APP: variants seen among roughly 807,000 people sequenced by gnomAD.
The protein encoded by APP is amyloid beta precursor protein, also known as amyloid-beta precursor protein.
In APP, 31 loss-of-function variants were observed where a neutral mutation model predicts 101.4. That is an observed-to-expected ratio of 0.31 (90% confidence interval 0.23 to 0.41). The LOEUF (loss-of-function observed/expected upper bound fraction) is 0.41. Among genes scored for constraint, APP ranks in the 10% least tolerant of loss-of-function variants. The pLI is 1.00. For missense variants in APP, 839 were observed against 1,003.7 expected (o/e 0.84, Z 2.22); for synonymous variants, 366 against 364.4 (o/e 1.00, Z -0.05).
At chr21:25,987,463 C>T (rs1320699835) in intron 8 of APP, among the ~76,000 whole-genome samples, 1 of 152,142 alleles carries the variant, frequency 6.6e-6, no homozygotes, top group African/African-American at 2.4e-5. Flanking sequence ...TTTAAATGAC[C>T]TTTGTATTTT....
At chr21:25,888,293 C>A (rs557908561) in intron 17 of APP, among the ~76,000 whole-genome samples, 55 of 152,136 alleles carry the variant, frequency 3.6e-4, no homozygotes, top group Non-Finnish European at 6.8e-4. Flanking sequence ...TGGGTGCAGA[C>A]GCTGGAATGC....
intron 3 of APP, among the ~76,000 whole-genome samples, chr21:26,089,166 CT>C (rs763694935): frequency 1.1e-4 from 16 of 152,164 alleles, no homozygotes; most frequent in Non-Finnish European, 1.9e-4. Context: ...GATGAATACA[CT>C]TGTGGAAAAC....
intron 1 of APP, among the ~76,000 whole-genome samples, chr21:26,142,830 A>G (rs1280500378): frequency 6.6e-6 from 1 of 152,218 alleles, no homozygotes; most frequent in East Asian, 1.9e-4. Flanking sequence ...ATCACTTAAG[A>G]AAATTAATAA....
intron 8 of APP, among the ~76,000 whole-genome samples, chr21:25,984,280 A>T (rs2042554623): frequency 6.6e-6 from 1 of 152,210 alleles, no homozygotes; most frequent in Non-Finnish European, 1.5e-5. Flanking sequence ...AATTGAGAAA[A>T]AGAAACAAAA....
chr21:26,146,939 A>G (rs780245704), intron 1 of APP, among the ~76,000 whole-genome samples: 15 of 152,288 alleles, frequency 9.8e-5, no homozygotes, highest in Admixed American at 7.2e-4. Context: ...ACCCAACACC[A>G]TTAACTAAAT....
At chr21:26,003,082 T>C (rs1568839221) in intron 6 of APP, among the ~76,000 whole-genome samples, 1 of 152,240 alleles carries the variant, frequency 6.6e-6, no homozygotes, top group South Asian at 2.1e-4. Context: ...CATTTTCCTA[T>C]ACCACTAATT....
chr21:26,050,939 T>C, intron 5 of APP, 61 bp downstream of exon 5: 1 of 1,580,172 alleles, frequency 6.3e-7, no homozygotes, highest in Non-Finnish European at 8.7e-7. Context: ...ATTTACAGGA[T>C]ACAAATACTC....
intron 2 of APP, among the ~76,000 whole-genome samples, chr21:26,108,504 G>A (rs147679054): frequency 1.3e-5 from 2 of 152,232 alleles, no homozygotes; most frequent in East Asian, 3.8e-4. Flanking sequence ...GTCTCTGGGA[G>A]AACGAAGATA....
At chr21:25,896,668 G>A (rs1156727116) in intron 16 of APP, among the ~76,000 whole-genome samples, 2 of 152,148 alleles carry the variant, frequency 1.3e-5, no homozygotes, top group East Asian at 3.8e-4. Context: ...TGACCACAAA[G>A]GAGATGTGGC....
intron 1 of APP, among the ~76,000 whole-genome samples, chr21:26,151,792 C>T (rs935382581): frequency 6.6e-6 from 1 of 152,184 alleles, no homozygotes; most frequent in Admixed American, 6.5e-5. Context: ...CATTGCTCAC[C>T]TACTGCTGTG....
intron 2 of APP, among the ~76,000 whole-genome samples, chr21:26,093,033 G>C (rs1182515795): frequency 1.3e-5 from 2 of 152,106 alleles, no homozygotes; most frequent in Non-Finnish European, 2.9e-5. Flanking sequence ...GCTCCAAAGG[G>C]ATCCTGCTAT....
At chr21:26,106,548 T>C (rs895611265) in intron 2 of APP, among the ~76,000 whole-genome samples, 11 of 152,104 alleles carry the variant, frequency 7.2e-5, no homozygotes, top group African/African-American at 2.7e-4. Context: ...CTGAATACCA[T>C]AGTCATAGCT....
At chr21:26,045,748 G>T (rs931954572) in intron 5 of APP, among the ~76,000 whole-genome samples, 2 of 152,136 alleles carry the variant, frequency 1.3e-5, no homozygotes, top group Non-Finnish European at 2.9e-5. Context: ...TTTAAACTGG[G>T]TTCAATACGG....
chr21:26,140,340 C>A, intron 1 of APP: 1 of 1,515,384 alleles, frequency 6.6e-7, no homozygotes, highest in Non-Finnish European at 8.8e-7. Flanking sequence ...GAGTCAACAG[C>A]ATGTCAACAC....
chr21:25,996,411 AC>A (rs10711917), intron 8 of APP, among the ~76,000 whole-genome samples: 152,352 of 152,352 alleles, frequency 1, 76,176 homozygotes, highest in Non-Finnish European at 1. Flanking sequence ...GTACTACAAT[AC>A]CATGAATATT....
chr21:26,072,221 C>T (rs1013781403), intron 3 of APP, among the ~76,000 whole-genome samples: 2 of 152,180 alleles, frequency 1.3e-5, no homozygotes, highest in African/African-American at 4.8e-5. Flanking sequence ...CAATAAATAA[C>T]AGGCAATATG....
intron 1 of APP, among the ~76,000 whole-genome samples, chr21:26,156,701 T>A (rs1235127314): frequency 1.3e-5 from 2 of 152,166 alleles, no homozygotes; most frequent in African/African-American, 2.4e-5. Context: ...GAAATATACA[T>A]TCTTTGGCAG....
At chr21:25,945,855 A>AT (rs1326718499) in intron 13 of APP, 1 of 453,992 alleles carries the variant, frequency 2.2e-6, no homozygotes, top group Admixed American at 2.4e-5. Flanking sequence ...TGCCTGGATA[A>AT]TTTTTTTGTA....
At chr21:26,029,936 G>A (rs542758904) in intron 5 of APP, among the ~76,000 whole-genome samples, 4 of 152,186 alleles carry the variant, frequency 2.6e-5, no homozygotes, top group South Asian at 2.1e-4. Context: ...CCCCACTTAC[G>A]TTAGTGAATT....
Sources: allele counts gnomAD v4.1 joint callset (sites outside exome capture counted in the v4.1 genomes callset), GRCh38; gene constraint gnomAD v4.1.1; transcripts MANE v1.5; gene names NCBI Gene and HGNC (gene_info 2026-07-23, HGNC 2026-07-21).